Variants in HIPK3 observed in about 807,000 individuals in gnomAD.
HIPK3 encodes the protein homeodomain interacting protein kinase 3.
In HIPK3, 47 loss-of-function variants were observed where a neutral mutation model predicts 124.2. That is an observed-to-expected ratio of 0.38 (90% CI 0.30 to 0.48). The LOEUF is 0.48. Among genes scored for constraint, HIPK3 ranks in the 20% least tolerant of loss-of-function variants. The probability of loss-of-function intolerance (pLI) is 0.98; values close to 1 mark genes in which losing one functional copy is unlikely to be tolerated. For missense variants in HIPK3, 1,286 were observed against 1,454.3 expected (o/e 0.88, Z 1.88); for synonymous variants, 482 against 515.2 (o/e 0.94, Z 0.87).
chr11:33,283,743 C>T (rs1457715291), intron 1 of HIPK3, among the ~76,000 whole-genome samples: 5 of 151,622 alleles, frequency 3.3e-5, no homozygotes, highest in African/African-American at 9.7e-5. Context: ...GGCGCGATCT[C>T]GGCTCACTGC....
chr11:33,348,252 T>C (rs778940759), intron 12 of HIPK3, 24 bp downstream of exon 12: 1 of 1,598,056 alleles, frequency 6.3e-7, no homozygotes, highest in South Asian at 1.1e-5. Context: ...TATTGCCCTT[T>C]TGATTTATTA....
intron 1 of HIPK3, among the ~76,000 whole-genome samples, chr11:33,277,041 A>G (rs1851292166): frequency 1.3e-5 from 2 of 152,226 alleles, no homozygotes; most frequent in Admixed American, 1.3e-4. Context: ...AATTACTAAA[A>G]TAGGTTATTC....
At chr11:33,313,352 T>C (rs1353865395) in intron 2 of HIPK3, among the ~76,000 whole-genome samples, 1 of 152,214 alleles carries the variant, frequency 6.6e-6, no homozygotes, top group African/African-American at 2.4e-5. Context: ...GTTGGCAACA[T>C]TGAATTGTAA....
chr11:33,310,802 T>C (rs1300250561), intron 2 of HIPK3, among the ~76,000 whole-genome samples: 1 of 152,188 alleles, frequency 6.6e-6, no homozygotes, highest in African/African-American at 2.4e-5. Context: ...GAAATCTTCC[T>C]CCAGAGAAAA....
intron 2 of HIPK3, among the ~76,000 whole-genome samples, chr11:33,303,189 C>T (rs1293843893): frequency 6.6e-6 from 1 of 152,154 alleles, no homozygotes; most frequent in Non-Finnish European, 1.5e-5. Flanking sequence ...TATAAAATGG[C>T]ATAGTATTTC....
In HIPK3 at chr11:33,285,859, C is replaced by T. The variant is rs1359564941; in HGVS notation, c.-2-554C>T. ...CAATCTCGGCTCACTGCAACCTCCA[C>T]CTCCCAGGTTCAAGCGATTCTCCTC... is the stretch of plus-strand genomic sequence containing the variant. On this transcript the variant is annotated intron_variant, in intron 1 of 16. Coordinates refer to ENST00000303296, the MANE Select transcript of HIPK3 (RefSeq NM_005734.5). Among the ~76,000 whole-genome samples, 3 of 152,110 alleles carry T rather than the reference C, an allele frequency of 2.0e-5. No homozygotes were observed. The East Asian group carries it at 5.8e-4, about 29-fold the overall frequency.
rs757751554 is a variant in HIPK3 at position 33,286,971 on chromosome 11, A to C, written c.557A>C (p.Gln186Pro). 1 of 1,614,182 alleles carries C rather than the reference A, an allele frequency of 6.2e-7. No homozygotes were observed. The highest frequency in any genetic ancestry group is 1.1e-5 in the South Asian group (1 of 91,086). The change falls in exon 2 of 17, where the codon CAG becomes CCG. Residue 186 changes from glutamine to proline, a missense_variant. Around this residue, in one of 3 missense-constraint regions of HIPK3, gnomAD observed 225 missense variants for 240.3 expected, o/e 0.94. Coordinates refer to ENST00000303296, the MANE Select transcript of HIPK3 (RefSeq NM_005734.5). ...GGAGAAGGTGACTATCAGTTAGTAC[A>C]GCATGAAGTCTTATGCTCCATGAAA... ...TTGEGDYQLV[Q>P]HEVLCSMKNT...
In HIPK3 at chr11:33,355,494, A is replaced by G. The variant is rs1355488977; in HGVS notation, c.*1926A>G. ...ATAATCTTACAGCATTTACTGGAAT[A>G]AACAGTACAAAGCATTGGAGTGTAA... On this transcript the variant is annotated 3_prime_UTR_variant, in exon 17 of 17. Transcript: ENST00000303296. 6.6e-6 allele frequency: 1 copy of G among 152,020 alleles called. No individual in the cohort carries two copies. The highest frequency in any genetic ancestry group is 1.5e-5 in the Non-Finnish European group (1 of 67,886). The allele number at this position is 152,020 out of a possible 1,614,324, so 9.4% of individuals were successfully genotyped here.
chr11:33,296,237 C>T (rs1851839625), intron 2 of HIPK3, among the ~76,000 whole-genome samples: 1 of 152,172 alleles, frequency 6.6e-6, no homozygotes, highest in Non-Finnish European at 1.5e-5. Flanking sequence ...GGTATGGCCG[C>T]ATCCTTTCTT....
rs1853776518 is a variant in HIPK3, at chr11:33,354,875, G to A, written c.*1307G>A. On this transcript the variant is annotated 3_prime_UTR_variant, in exon 17 of 17. Transcript: ENST00000303296. ...TTTTTCTTTTTTGGGTGGTGGTGAT[G>A]GTAGTGGTTATGTCTGTTTAAATGA... 6.6e-6 allele frequency: 1 copy of A among 151,770 alleles called. No individual in the cohort carries two copies. The highest frequency in any genetic ancestry group is 2.1e-4 in the South Asian group (1 of 4,816). The allele number at this position is 151,770 out of a possible 1,614,324, so 9.4% of individuals were successfully genotyped here.
chr11:33,257,845 G>A lies in HIPK3; in HGVS notation c.-47G>A. 1 of 985,838 alleles carries A rather than the reference G, an allele frequency of 1.0e-6. No homozygotes were observed. The highest frequency in any genetic ancestry group is 1.2e-6 in the Non-Finnish European group (1 of 830,268). 61.1% of individuals were successfully genotyped at this position (985,838 alleles called of 1,614,324 possible). ...CTGCGCCCCACCCCGGACATGCTCA[G>A]GGCTGCGGCCGCCCGAAGAGGAGAG... is the stretch of plus-strand genomic sequence containing the variant. On this transcript the variant is annotated 5_prime_UTR_variant, in exon 1 of 17. Coordinates refer to ENST00000303296, the MANE Select transcript of HIPK3 (RefSeq NM_005734.5).
intron 2 of HIPK3, among the ~76,000 whole-genome samples, chr11:33,327,929 A>G (rs1852859210): frequency 1.3e-5 from 2 of 152,186 alleles, no homozygotes; most frequent in African/African-American, 4.8e-5. Flanking sequence ...AAGTGCTGAA[A>G]TGCTTTTTAA....
chr11:33,290,536 A>G (rs1851670841), intron 2 of HIPK3, among the ~76,000 whole-genome samples: 1 of 152,114 alleles, frequency 6.6e-6, no homozygotes, highest in Non-Finnish European at 1.5e-5. Flanking sequence ...TTCACTTGCT[A>G]GTAAATGACT....
chr11:33,346,805 A>T (rs547657588), intron 8 of HIPK3, among the ~76,000 whole-genome samples: 1 of 152,238 alleles, frequency 6.6e-6, no homozygotes, highest in Non-Finnish European at 1.5e-5. Context: ...GGAATGATGT[A>T]TATCACAAAG....
At chr11:33,289,713 T>C (rs1851648947) in intron 2 of HIPK3, among the ~76,000 whole-genome samples, 1 of 152,198 alleles carries the variant, frequency 6.6e-6, no homozygotes, top group African/African-American at 2.4e-5. Flanking sequence ...CAATAAATTA[T>C]TTTTGACTGT....
intron 1 of HIPK3, among the ~76,000 whole-genome samples, chr11:33,269,743 C>T (rs1445707796): frequency 1.7e-5 from 2 of 120,666 alleles, no homozygotes; most frequent in Non-Finnish European, 3.7e-5. Flanking sequence ...ATTGCTCCTA[C>T]TAAGCTCCCC....
chr11:33,289,128 CTTAGTG>C (rs1267132216), intron 2 of HIPK3, among the ~76,000 whole-genome samples: 1 of 152,074 alleles, frequency 6.6e-6, no homozygotes, highest in Non-Finnish European at 1.5e-5. Flanking sequence ...ATTTATGTCA[CTTAGTG>C]TTAGTAAAGC....
At chr11:33,295,473 A>AAC (rs1851818509) in intron 2 of HIPK3, among the ~76,000 whole-genome samples, 1 of 152,226 alleles carries the variant, frequency 6.6e-6, no homozygotes, top group Non-Finnish European at 1.5e-5. Context: ...ATAAAACGTG[A>AAC]ATTCAAGCTT....
chr11:33,351,970 A>T, intron 15 of HIPK3, 127 bp downstream of exon 15: 1 of 998,724 alleles, frequency 1.0e-6, no homozygotes. Flanking sequence ...TATTGTACAG[A>T]GGAAATCTTC....
Sources: allele counts gnomAD v4.1 joint callset (sites outside exome capture counted in the v4.1 genomes callset), GRCh38; gene constraint gnomAD v4.1.1; regional missense constraint gnomAD v4.1.1; transcripts MANE v1.5; gene names NCBI Gene and HGNC (gene_info 2026-07-23, HGNC 2026-07-21).